DPP6: variants seen among roughly 807,000 people sequenced by gnomAD.
DPP6 encodes the protein dipeptidyl peptidase like 6.
DPP6 carries 69 observed loss-of-function variants against 122.6 expected under a neutral mutation model. That is an observed-to-expected ratio of 0.56 (90% confidence interval 0.46 to 0.69). The LOEUF (loss-of-function observed/expected upper bound fraction) is 0.69, where lower values mean the gene tolerates loss of function less well. Among genes scored for constraint, DPP6 ranks in the 30% least tolerant of loss-of-function variants. DPP6 has a pLI of 0.00. For synonymous variants in DPP6, 418 were observed against 433.1 expected, an observed-to-expected ratio of 0.97 and a Z score of 0.43; for missense variants, 928 against 1,116.9, an observed-to-expected ratio of 0.83 and a Z score of 2.41.
At chr7:153,862,038 C>G in the DPP6 span, among the ~76,000 whole-genome samples, 1 of 152,164 alleles carries the variant, frequency 6.6e-6, no homozygotes, top group Non-Finnish European at 1.5e-5. Context: ...GCAAACCGTC[C>G]TTGAGAATTT....
At chr7:154,619,044 T>C (rs1318949090) in intron 5 of DPP6, among the ~76,000 whole-genome samples, 1 of 152,178 alleles carries the variant, frequency 6.6e-6, no homozygotes, top group Non-Finnish European at 1.5e-5. Context: ...CCTCCACACA[T>C]TCTCCTGCCT....
chr7:154,726,461 C>G (rs146844486), intron 7 of DPP6, among the ~76,000 whole-genome samples: 225 of 152,338 alleles, frequency 1.5e-3, no homozygotes, highest in African/African-American at 5.0e-3. Flanking sequence ...TCTGAAGCAA[C>G]AGCCTGAGCT....
chr7:154,702,859 G>A (rs1840600963), intron 7 of DPP6, among the ~76,000 whole-genome samples: 1 of 152,232 alleles, frequency 6.6e-6, no homozygotes, highest in African/African-American at 2.4e-5. Context: ...GCCTTCTTCT[G>A]GAAGATGATG....
the DPP6 span, among the ~76,000 whole-genome samples, chr7:153,772,377 C>A: frequency 1.3e-5 from 2 of 152,106 alleles, no homozygotes; most frequent in Non-Finnish European, 2.9e-5. Context: ...AGGCACCACG[C>A]CCCGCTGGGA....
chr7:154,579,373 A>G (rs991292972), intron 5 of DPP6, among the ~76,000 whole-genome samples: 1 of 152,202 alleles, frequency 6.6e-6, no homozygotes, highest in Non-Finnish European at 1.5e-5. Context: ...AAAGAAAAAG[A>G]AAAATCTTAT....
intron 21 of DPP6, among the ~76,000 whole-genome samples, chr7:154,881,720 A>G (rs1340673639): frequency 2.6e-5 from 4 of 152,170 alleles, no homozygotes; most frequent in African/African-American, 9.7e-5. Context: ...CCCAGCATGC[A>G]CTGGAGACCC....
In DPP6 at chr7:154,885,568, C is replaced by T. The variant is rs544196476; in HGVS notation, c.2134-65C>T. 97 of 1,533,894 alleles carry T rather than the reference C, an allele frequency of 6.3e-5. 1 individual carries two copies. Among genetic ancestry groups the T allele is most frequent in the South Asian group, 1.3e-4 (11 of 81,524 alleles). On this transcript the variant is annotated intron_variant, in intron 21 of 25. Transcript: ENST00000377770. ...GCTGCTCTGGGGCTGTCTCCCTGCC[C>T]GAGGCTGCTTCATGCTGAGTTACTG...
chr7:154,719,951 C>T (rs1041628858), intron 7 of DPP6, among the ~76,000 whole-genome samples: 2 of 152,200 alleles, frequency 1.3e-5, no homozygotes, highest in African/African-American at 4.8e-5. Flanking sequence ...CCTCATCCTG[C>T]GCCCACGTCC....
the DPP6 span, among the ~76,000 whole-genome samples, chr7:153,868,625 G>A: frequency 6.6e-6 from 1 of 151,952 alleles, no homozygotes; most frequent in Non-Finnish European, 1.5e-5. Context: ...TTGATTTTTT[G>A]AAGGGTTTTG....
chr7:154,437,613 A>C lies in DPP6; in HGVS notation c.244-8601A>C, dbSNP rs564018421. 3.3e-5 allele frequency among the ~76,000 whole-genome samples: 5 copies of C among 152,350 alleles called. No homozygotes were observed. The East Asian group carries it at 9.7e-4, about 29-fold the overall frequency. On this transcript the variant is annotated intron_variant, in intron 1 of 25. Transcript: ENST00000377770. The stretch of plus-strand genomic sequence containing the variant: ...CAGCCTTTTCAAAGAAAATGTATAC[A>C]TCAAATTAGCAAATTAGTTATTTTA...
At chr7:153,838,387 C>A in the DPP6 span, among the ~76,000 whole-genome samples, 4 of 152,258 alleles carry the variant, frequency 2.6e-5, no homozygotes, top group East Asian at 7.8e-4. Context: ...GTGAAGAATT[C>A]AGTGGAATTT....
rs369641344 is a variant in DPP6 at position 154,688,019 on chromosome 7, T to C, written c.762+18578T>C. Among the ~76,000 whole-genome samples the C allele has an allele frequency of 9.2e-5, 14 of 152,364 alleles. No individual in the cohort carries two copies. The East Asian group carries it at 1.5e-3, about 17-fold the overall frequency. ...TTTCAGACTCTCCACTGTGTTCCAC[T>C]CATCTTTTGTCCACTGTTGTAACAA... On this transcript the variant is annotated intron_variant, in intron 7 of 25. Coordinates refer to ENST00000377770, the MANE Select transcript of DPP6 (RefSeq NM_130797.4).
At chr7:154,742,947 C>T (rs893168394) in intron 8 of DPP6, among the ~76,000 whole-genome samples, 1 of 151,920 alleles carries the variant, frequency 6.6e-6, no homozygotes, top group African/African-American at 2.4e-5. Context: ...TTCCCCTTTA[C>T]TGCTAAGTCA....
At chr7:154,717,621 C>T (rs1841564640) in intron 7 of DPP6, among the ~76,000 whole-genome samples, 1 of 152,086 alleles carries the variant, frequency 6.6e-6, no homozygotes, top group Non-Finnish European at 1.5e-5. Context: ...ACATGCATAC[C>T]ACATTTTCTA....
intron 4 of DPP6, among the ~76,000 whole-genome samples, chr7:154,548,654 A>G (rs565758625): frequency 2.0e-5 from 3 of 152,288 alleles, no homozygotes; most frequent in African/African-American, 7.2e-5. Flanking sequence ...ATACTCTTCA[A>G]GTGACAGTCA....
intron 1 of DPP6, among the ~76,000 whole-genome samples, chr7:154,365,915 G>A (rs567719471): frequency 3.6e-5 from 5 of 140,718 alleles, no homozygotes; most frequent in South Asian, 4.5e-4. Flanking sequence ...CCGAGATCGC[G>A]CCACTGCGTT....
chr7:154,665,997 T>C (rs1471801098), intron 6 of DPP6, among the ~76,000 whole-genome samples: 1 of 152,052 alleles, frequency 6.6e-6, no homozygotes, highest in African/African-American at 2.4e-5. Flanking sequence ...ACAGAGAATC[T>C]TCCTTCTCTC....
chr7:154,198,372 CGTG>C (rs1165488007), intron 1 of DPP6, among the ~76,000 whole-genome samples: 6 of 151,876 alleles, frequency 4.0e-5, no homozygotes, highest in African/African-American at 1.5e-4. Flanking sequence ...AGTGCAGTGG[CGTG>C]ATCTCTACTC....
intron 1 of DPP6, among the ~76,000 whole-genome samples, chr7:154,300,135 G>A (rs1258454032): frequency 6.6e-6 from 1 of 152,230 alleles, no homozygotes; most frequent in Non-Finnish European, 1.5e-5. Flanking sequence ...GGGAGTGGGA[G>A]GTAAATAGCA....
Sources: gnomAD v4.1 joint callset for allele counts (sites outside exome capture counted in the v4.1 genomes callset) on GRCh38, gnomAD v4.1.1 for gene constraint, MANE v1.5 for transcripts, NCBI Gene and HGNC (gene_info 2026-07-23, HGNC 2026-07-21) for gene names.